Variants in MGAM observed in about 807,000 individuals in gnomAD.
MGAM encodes the protein alpha-1,4-glucosidase.
Under a neutral mutation model 358.8 loss-of-function variants are expected in MGAM, and 253 were observed. That is an observed-to-expected ratio of 0.71 (90% CI 0.64 to 0.78). The LOEUF (loss-of-function observed/expected upper bound fraction) is 0.78. Ranked by LOEUF, MGAM falls within the 30% of genes least tolerant of loss-of-function variation. The pLI is 0.00. For synonymous variants in MGAM, 1,105 were observed against 1,227.1 expected (o/e 0.90, Z 2.08); for missense variants, 3,080 against 3,432.6 (o/e 0.90, Z 2.57).
At position 142,027,201 on chromosome 7, in the gene MGAM, G is replaced by C; in HGVS notation, c.1069G>C (p.Glu357Gln). The C allele has an allele frequency of 6.2e-7, 1 of 1,613,128 alleles. No homozygotes were observed. Among genetic ancestry groups the C allele is most frequent in the Non-Finnish European group, 8.5e-7 (1 of 1,179,164 alleles). The change falls in exon 9 of 71, where the codon GAG (glutamate) becomes CAG (glutamine). Residue 357 changes from glutamate to glutamine, a missense_variant. Transcript: ENST00000475668. ...CTATGTGTTCTTGGGAAACACTCCA[G>C]AGCAAGTTGTTCAAGAATATCTAGA... ...DFYVFLGNTPEQVVQEYLELI... is the reference protein window; with the variant it reads ...DFYVFLGNTPQQVVQEYLELI...
At chr7:142,053,440 T>C (rs1340992322) in intron 26 of MGAM, among the ~76,000 whole-genome samples, 2 of 152,156 alleles carry the variant, frequency 1.3e-5, no homozygotes, top group Non-Finnish European at 2.9e-5. Flanking sequence ...GTGCTGACAT[T>C]AACTCAAATA....
intron 34 of MGAM, among the ~76,000 whole-genome samples, 182 bp from the exon 35 acceptor site, chr7:142,062,386 T>C (rs1812298900): frequency 6.6e-6 from 1 of 152,166 alleles, no homozygotes; most frequent in Non-Finnish European, 1.5e-5. Flanking sequence ...GGTGTGCAAA[T>C]TGCACTAATT....
chr7:142,051,461 T>C (rs538230532), intron 24 of MGAM, among the ~76,000 whole-genome samples: 3 of 152,116 alleles, frequency 2.0e-5, no homozygotes, highest in Admixed American at 1.3e-4. Flanking sequence ...ATGTGATTTT[T>C]GTACTCCAGA....
intron 2 of MGAM, among the ~76,000 whole-genome samples, chr7:142,008,151 T>G (rs1554453072): frequency 1.9e-4 from 29 of 152,226 alleles, no homozygotes; most frequent in Non-Finnish European, 4.4e-5. Context: ...ATACTTTGTT[T>G]GTAAAACAGG....
rs1334623508 is a variant in MGAM, at chr7:142,045,348, C to T, written c.2499-2437C>T. The stretch of plus-strand genomic sequence containing the variant: ...GATATATAATATATATTATATGTCC[C>T]TATAATACATGATATATAATATATA... On this transcript the variant is annotated intron_variant, in intron 21 of 70. Coordinates refer to ENST00000475668, the MANE Select transcript of MGAM (RefSeq NM_001365693.1). 1.3e-4 allele frequency among the ~76,000 whole-genome samples: 8 copies of T among 60,672 alleles called. 1 individual carries two copies. The South Asian group carries it at 2.8e-3, about 21-fold the overall frequency. 39.8% of individuals were successfully genotyped at this position (60,672 alleles called of 152,430 possible).
Position 142,066,832 on chromosome 7 carries a change from A to G in MGAM, c.4919+111A>G, listed in dbSNP as rs1445448342. The G allele has an allele frequency of 4.7e-6, 6 of 1,274,312 alleles. 1 individual carries two copies. In the African/African-American group the frequency reaches 7.1e-5, roughly 15 times the overall value. 78.9% of individuals were successfully genotyped at this position (1,274,312 alleles called of 1,614,324 possible). On this transcript the variant is annotated intron_variant, in intron 41 of 70. Coordinates refer to ENST00000475668, the MANE Select transcript of MGAM (RefSeq NM_001365693.1). Reference sequence around the variant, plus strand: ...ATTAAAGACATGATGGCCTTTTGACATGAGCTCTTCAGACACAAAGTATAC... The same window carrying G: ...ATTAAAGACATGATGGCCTTTTGACGTGAGCTCTTCAGACACAAAGTATAC...
intron 57 of MGAM, among the ~76,000 whole-genome samples, chr7:142,087,792 A>T (rs1221539695): frequency 6.8e-6 from 1 of 146,382 alleles, no homozygotes; most frequent in Non-Finnish European, 1.5e-5. Flanking sequence ...TAATCAGACA[A>T]ATATCCATGT....
chr7:142,027,826 T>C, intron 10 of MGAM, 91 bp downstream of exon 10: 2 of 1,331,060 alleles, frequency 1.5e-6, no homozygotes, highest in South Asian at 1.9e-5. Context: ...CTGAGTTTAA[T>C]TGATTTATTT....
At chr7:142,090,737 G>A (rs753617075) in intron 57 of MGAM, among the ~76,000 whole-genome samples, 4 of 146,216 alleles carry the variant, frequency 2.7e-5, no homozygotes, top group Admixed American at 6.9e-5. Context: ...TGGTGTGATT[G>A]TCATAAAGGA....
chr7:142,064,493 TG>T lies in MGAM; in HGVS notation c.4458del (p.Trp1487GlyfsTer14), dbSNP rs1163374233. The T allele has an allele frequency of 3.8e-6, 6 of 1,580,158 alleles. No individual in the cohort carries two copies. The highest frequency in any genetic ancestry group is 1.8e-5 in the Admixed American group (1 of 54,838). On this transcript the variant is annotated frameshift_variant, in exon 37 of 71. Transcript: ENST00000475668. LOFTEE classifies it high-confidence loss of function. ...AGCACTACAACGTGCACAACCTGTA[TG>T]GGTGGTCCCAGACCAGACCCACATA... is the stretch of plus-strand genomic sequence containing the variant. The part of the protein sequence containing the change: ...VQHYNVHNLY[G>X]WSQTRPTYEA...
At chr7:142,044,930 TATATG>T (rs1224347788) in intron 21 of MGAM, among the ~76,000 whole-genome samples, 1 of 97,458 alleles carries the variant, frequency 1.0e-5, no homozygotes, top group East Asian at 2.5e-4. Flanking sequence ...ACACGTGTAA[TATATG>T]ATATATAATG....
chr7:142,057,654 G>C (rs1811692456), intron 30 of MGAM, among the ~76,000 whole-genome samples: 1 of 151,680 alleles, frequency 6.6e-6, no homozygotes, highest in African/African-American at 2.4e-5. Flanking sequence ...TAGTGATGAT[G>C]GTGGTGGTGA....
chr7:142,094,365 G>A lies in MGAM; in HGVS notation c.7174G>A (p.Ala2392Thr), dbSNP rs752142627. The A allele has an allele frequency of 1.3e-6, 2 of 1,520,886 alleles. No individual in the cohort carries two copies. Among genetic ancestry groups the A allele is most frequent in the South Asian group, 1.2e-5 (1 of 84,382 alleles). 94.2% of individuals were successfully genotyped at this position (1,520,886 alleles called of 1,614,324 possible). A position where few individuals can be genotyped will look rare whatever the true frequency, so the allele number is the denominator to read the frequency against. ...GWSQTRPTYEAVQEVTGQRGV... is the reference protein window; with the variant it reads ...GWSQTRPTYETVQEVTGQRGV... ...CACCTCCTTTTCCCCTCCAACCAGA[G>A]CCGTGCAGGAGGTGACAGGACAGCG... Residue 2392 changes from alanine to threonine, a missense_variant and splice_region_variant, in exon 61 of 71, where the codon GCC (alanine) becomes ACC (threonine). Transcript: ENST00000475668.
At chr7:142,104,437 A>G (rs1033554065) in intron 70 of MGAM, among the ~76,000 whole-genome samples, 14 of 152,220 alleles carry the variant, frequency 9.2e-5, no homozygotes, top group Non-Finnish European at 1.6e-4. Context: ...GAAGAAAAAT[A>G]TGTGTTACAA....
chr7:142,003,782 A>AT (rs552897319), intron 1 of MGAM, among the ~76,000 whole-genome samples: 15 of 151,978 alleles, frequency 9.9e-5, no homozygotes, highest in Non-Finnish European at 1.8e-4. Context: ...GGGTTAAAAT[A>AT]TTTGCAAACA....
intron 40 of MGAM, among the ~76,000 whole-genome samples, chr7:142,066,213 G>A (rs1812741477): frequency 6.8e-6 from 1 of 146,002 alleles, no homozygotes; most frequent in Admixed American, 6.9e-5. Context: ...CCACTCGACA[G>A]CCTCCAAAAG....
intron 4 of MGAM, 63 bp downstream of exon 4, chr7:142,019,382 C>G: frequency 1.9e-6 from 3 of 1,561,778 alleles, no homozygotes; most frequent in South Asian, 2.3e-5. Context: ...TCTGTATCCC[C>G]CAGGGGCAGC....
chr7:142,052,995 T>A lies in MGAM; in HGVS notation c.3159+11T>A, dbSNP rs746253377. The A allele has an allele frequency of 1.2e-6, 2 of 1,612,794 alleles. No homozygotes were observed. Among genetic ancestry groups the A allele is most frequent in the Non-Finnish European group, 8.5e-7 (1 of 1,178,936 alleles). Reference sequence around the variant, plus strand: ...ATGCTGCAGTTCAAGGTAAACACAGTACATGTATCAGGTAGTGATTAGACC... The same window carrying A: ...ATGCTGCAGTTCAAGGTAAACACAGAACATGTATCAGGTAGTGATTAGACC... On this transcript the variant is annotated intron_variant, in intron 26 of 70. Transcript: ENST00000475668.
At chr7:142,036,537 G>A (rs1009028080) in intron 17 of MGAM, among the ~76,000 whole-genome samples, 17 of 152,140 alleles carry the variant, frequency 1.1e-4, no homozygotes, top group African/African-American at 3.9e-4. Context: ...ACTTCTGTAC[G>A]CTTTATCTAC....
Sources: gnomAD v4.1 joint callset for allele counts (sites outside exome capture counted in the v4.1 genomes callset) on GRCh38, gnomAD v4.1.1 for gene constraint, MANE v1.5 for transcripts, NCBI Gene and HGNC (gene_info 2026-07-23, HGNC 2026-07-21) for gene names.